ZFPM2: variants seen among roughly 807,000 people sequenced by gnomAD.
ZFPM2 encodes the protein zinc finger protein, FOG family member 2.
A neutral mutation model predicts 98.6 loss-of-function variants in ZFPM2; 20 were observed. The ratio of observed to expected loss-of-function variants is 0.20; its 90% CI spans 0.14 to 0.29. ZFPM2 has a LOEUF of 0.29. Ranked by LOEUF, ZFPM2 falls within the 10% of genes least tolerant of loss-of-function variation. ZFPM2 has a pLI of 1.00. For synonymous variants in ZFPM2, 518 were observed against 502.7 expected, an observed-to-expected ratio of 1.03 and a Z score of -0.41; for missense variants, 1,310 against 1,388.6, an observed-to-expected ratio of 0.94 and a Z score of 0.90.
chr8:105,721,413 G>T (rs1428455618), intron 5 of ZFPM2, among the ~76,000 whole-genome samples: 1 of 151,910 alleles, frequency 6.6e-6, no homozygotes, highest in African/African-American at 2.4e-5. Flanking sequence ...CATGATTCAT[G>T]TAGCCTTCCA....
intron 3 of ZFPM2, among the ~76,000 whole-genome samples, chr8:105,506,384 CTA>C (rs1813698815): frequency 6.6e-6 from 1 of 152,144 alleles, no homozygotes; most frequent in South Asian, 2.1e-4. Flanking sequence ...ACACTTGACT[CTA>C]AATTGTTTCA....
intron 3 of ZFPM2, among the ~76,000 whole-genome samples, chr8:105,526,041 T>G (rs1470807380): frequency 6.6e-6 from 1 of 152,228 alleles, no homozygotes; most frequent in African/African-American, 2.4e-5. Flanking sequence ...TTTATAGCTC[T>G]CAAATATTTC....
chr8:105,470,784 A>C (rs1218546816), intron 3 of ZFPM2, among the ~76,000 whole-genome samples: 5 of 152,168 alleles, frequency 3.3e-5, no homozygotes, highest in Non-Finnish European at 2.9e-5. Context: ...TCTAAAAAAA[A>C]AATAGAAAGA....
chr8:105,398,734 C>T (rs572202456), intron 1 of ZFPM2, among the ~76,000 whole-genome samples: 1 of 152,242 alleles, frequency 6.6e-6, no homozygotes, highest in Admixed American at 6.5e-5. Context: ...TGGCCACTCA[C>T]CTCTTGTTAC....
chr8:105,730,527 C>T (rs1028693294), intron 5 of ZFPM2, among the ~76,000 whole-genome samples: 27 of 151,638 alleles, frequency 1.8e-4, no homozygotes, highest in Admixed American at 1.6e-3. Context: ...TTTGCTCCAG[C>T]GAGGGATTGC....
At chr8:105,467,479 C>T (rs1812815654) in intron 3 of ZFPM2, among the ~76,000 whole-genome samples, 1 of 151,940 alleles carries the variant, frequency 6.6e-6, no homozygotes, top group Non-Finnish European at 1.5e-5. Flanking sequence ...TTAAGCCCAG[C>T]GAGTTAGGAA....
intron 4 of ZFPM2, among the ~76,000 whole-genome samples, chr8:105,626,570 G>A (rs1189617433): frequency 1.3e-5 from 2 of 151,964 alleles, no homozygotes; most frequent in Admixed American, 6.6e-5. Context: ...CAGTGGTGGT[G>A]GTGTACAATT....
At chr8:105,338,361 T>A (rs1324191058) in intron 1 of ZFPM2, among the ~76,000 whole-genome samples, 1 of 151,798 alleles carries the variant, frequency 6.6e-6, no homozygotes, top group East Asian at 1.9e-4. Flanking sequence ...AGACAGCAAG[T>A]ATGAACAATA....
intron 1 of ZFPM2, among the ~76,000 whole-genome samples, chr8:105,335,255 G>A (rs935233752): frequency 3.3e-5 from 5 of 151,698 alleles, no homozygotes; most frequent in African/African-American, 1.2e-4. Flanking sequence ...TTTAACCGTG[G>A]AGTCTCTTAG....
chr8:105,652,669 G>A (rs1817204773), intron 5 of ZFPM2, among the ~76,000 whole-genome samples: 1 of 152,044 alleles, frequency 6.6e-6, no homozygotes, highest in Non-Finnish European at 1.5e-5. Flanking sequence ...TTTAGCTTGT[G>A]CAGTCTTTCA....
chr8:105,334,856 A>T (rs1253698172), intron 1 of ZFPM2, among the ~76,000 whole-genome samples: 1 of 151,368 alleles, frequency 6.6e-6, no homozygotes, highest in Non-Finnish European at 1.5e-5. Context: ...GGATTTTTTT[A>T]TCCTTGAAAG....
intron 5 of ZFPM2, among the ~76,000 whole-genome samples, chr8:105,694,202 G>A (rs549140537): frequency 6.6e-6 from 1 of 151,682 alleles, no homozygotes; most frequent in Admixed American, 6.6e-5. Context: ...TAGCCAGGAT[G>A]GTCTCAATCT....
At chr8:105,466,690 T>G (rs1200420473) in intron 3 of ZFPM2, among the ~76,000 whole-genome samples, 1 of 152,090 alleles carries the variant, frequency 6.6e-6, no homozygotes, top group Non-Finnish European at 1.5e-5. Flanking sequence ...TGTTTGTTTG[T>G]TTAAAGTAAT....
Position 105,499,398 on chromosome 8 carries a change from C to T in ZFPM2, c.301+55017C>T, listed in dbSNP as rs191265865. 8.1e-4 allele frequency among the ~76,000 whole-genome samples: 124 copies of T among 152,214 alleles called. 1 individual carries two copies. Among genetic ancestry groups the T allele is most frequent in the Admixed American group, 8.0e-3 (122 of 15,290 alleles). Reference sequence around the variant, plus strand: ...AAGAAACCTAGAAAAGGTGGAATGACTGATAGTCACATTCTAAGAATTTCC... The same window carrying T: ...AAGAAACCTAGAAAAGGTGGAATGATTGATAGTCACATTCTAAGAATTTCC... On this transcript the variant is annotated intron_variant, in intron 3 of 7. Coordinates refer to ENST00000407775, the MANE Select transcript of ZFPM2 (RefSeq NM_012082.4).
chr8:105,801,905 A>G lies in ZFPM2; in HGVS notation c.1823A>G (p.Asn608Ser). ...GGCCAAACCTCCATAAACCTTCTCA[A>G]CCCAGCTGCTCATTCTGCTGATCCT... ...NTGQTSINLL[N>S]PAAHSADPEN... Residue 608 changes from asparagine to serine, a missense_variant, in exon 8 of 8, where the codon AAC becomes AGC. Coordinates refer to ENST00000407775, the MANE Select transcript of ZFPM2 (RefSeq NM_012082.4). 6.2e-7 allele frequency: 1 copy of G among 1,613,814 alleles called. No homozygotes were observed. The highest frequency in any genetic ancestry group is 8.5e-7 in the Non-Finnish European group (1 of 1,179,844).
intron 5 of ZFPM2, among the ~76,000 whole-genome samples, chr8:105,728,465 G>C (rs1367212388): frequency 1.3e-5 from 2 of 151,738 alleles, no homozygotes; most frequent in African/African-American, 4.8e-5. Flanking sequence ...TCTTGTGGCA[G>C]AGAGAAAAGA....
At chr8:105,517,917 A>C (rs1171837944) in intron 3 of ZFPM2, among the ~76,000 whole-genome samples, 1 of 152,066 alleles carries the variant, frequency 6.6e-6, no homozygotes, top group African/African-American at 2.4e-5. Flanking sequence ...GTCTCAAAGA[A>C]ACAAAAGATC....
intron 2 of ZFPM2, among the ~76,000 whole-genome samples, chr8:105,425,401 C>T (rs1189793656): frequency 6.6e-6 from 1 of 152,198 alleles, no homozygotes; most frequent in African/African-American, 2.4e-5. Context: ...CTTGATGAGA[C>T]TCCATCTGTA....
intron 5 of ZFPM2, among the ~76,000 whole-genome samples, chr8:105,744,748 T>G (rs1353036329): frequency 6.6e-6 from 1 of 151,958 alleles, no homozygotes. Context: ...AAACAGCATG[T>G]GCAAAAGGCC....
Sources: gnomAD v4.1 joint callset for allele counts (sites outside exome capture counted in the v4.1 genomes callset) on GRCh38, gnomAD v4.1.1 for gene constraint, MANE v1.5 for transcripts, NCBI Gene and HGNC (gene_info 2026-07-23, HGNC 2026-07-21) for gene names.